The following TMTC2 variants were observed in gnomAD, a reference collection of about 807,000 sequenced individuals.
TMTC2 encodes protein O-mannosyl-transferase TMTC2.
In TMTC2, 43 loss-of-function variants were observed where a neutral mutation model predicts 82.4. That is an observed-to-expected ratio of 0.52 (90% CI 0.41 to 0.67). TMTC2 has a LOEUF of 0.67. TMTC2 is among the 30% of genes least tolerant of loss of function. The probability of loss-of-function intolerance (pLI) is 0.00; values close to 1 mark genes in which losing one functional copy is unlikely to be tolerated. For synonymous variants in TMTC2, 408 were observed against 381.9 expected (o/e 1.07, Z -0.80); for missense variants, 919 against 1,012.4 (o/e 0.91, Z 1.25).
At chr12:83,025,738 A>T (rs1231299348) in intron 8 of TMTC2, among the ~76,000 whole-genome samples, 1 of 152,206 alleles carries the variant, frequency 6.6e-6, no homozygotes, top group South Asian at 2.1e-4. Context: ...GGAGGTTCCC[A>T]TGACCCTCTT....
intron 4 of TMTC2, among the ~76,000 whole-genome samples, chr12:82,964,271 G>A (rs558289863): frequency 6.6e-6 from 1 of 152,094 alleles, no homozygotes. Context: ...AGACATGCCT[G>A]TAATTGATTT....
chr12:82,913,628 T>C (rs1229331520), intron 3 of TMTC2, among the ~76,000 whole-genome samples: 1 of 152,210 alleles, frequency 6.6e-6, no homozygotes, highest in Non-Finnish European at 1.5e-5. Context: ...TTTGACATAT[T>C]TCCTGATTTT....
At chr12:82,846,290 G>A (rs1200757043) in intron 1 of TMTC2, among the ~76,000 whole-genome samples, 5 of 152,008 alleles carry the variant, frequency 3.3e-5, no homozygotes, top group Admixed American at 6.5e-5. Context: ...CCCAGGAGGC[G>A]GAGGTTGCAG....
At chr12:82,697,334 C>CAAAAAAAAAAAAAAAAA (rs367770708) in intron 1 of TMTC2, among the ~76,000 whole-genome samples, 1 of 61,700 alleles carries the variant, frequency 1.6e-5, no homozygotes, top group Non-Finnish European at 3.2e-5. Flanking sequence ...CAGCCTGTCT[C>CAAAAAAAAAAAAAAAAA]AAAAAAAAAA....
At chr12:82,883,618 T>C (rs1409461323) in intron 2 of TMTC2, among the ~76,000 whole-genome samples, 1 of 152,220 alleles carries the variant, frequency 6.6e-6, no homozygotes, top group Non-Finnish European at 1.5e-5. Flanking sequence ...TCATAATAGC[T>C]GGTTTGTCGC....
intron 8 of TMTC2, among the ~76,000 whole-genome samples, chr12:83,000,597 T>C (rs1010566759): frequency 6.6e-6 from 1 of 152,294 alleles, no homozygotes; most frequent in East Asian, 1.9e-4. Flanking sequence ...GCTGGTGTTG[T>C]GTGTCTGTGG....
At chr12:82,927,656 A>T (rs191142810) in intron 3 of TMTC2, among the ~76,000 whole-genome samples, 1 of 152,206 alleles carries the variant, frequency 6.6e-6, no homozygotes, top group East Asian at 1.9e-4. Flanking sequence ...GTTAATTGAT[A>T]TGGCAGACTT....
At chr12:82,760,943 T>C in intron 1 of TMTC2, 1 of 240,350 alleles carries the variant, frequency 4.2e-6, no homozygotes, top group South Asian at 4.9e-5. Context: ...TATGGTGAAT[T>C]GTATAATTAT....
At chr12:82,691,887 G>A (rs1444168483) in intron 1 of TMTC2, among the ~76,000 whole-genome samples, 2 of 152,224 alleles carry the variant, frequency 1.3e-5, no homozygotes, top group Admixed American at 1.3e-4. Flanking sequence ...GTATACAGAA[G>A]TATGGTCTTA....
intron 7 of TMTC2, among the ~76,000 whole-genome samples, chr12:82,976,037 C>G (rs1489458380): frequency 6.6e-6 from 1 of 152,076 alleles, no homozygotes; most frequent in Non-Finnish European, 1.5e-5. Flanking sequence ...AAGATCCTCA[C>G]CTGTCCCCAA....
chr12:83,028,018 C>T (rs1208254766), intron 8 of TMTC2, among the ~76,000 whole-genome samples: 1 of 152,028 alleles, frequency 6.6e-6, no homozygotes, highest in Non-Finnish European at 1.5e-5. Flanking sequence ...CTGATGATAG[C>T]TTTCATTTTA....
rs148744826 is a variant in TMTC2, at chr12:82,767,781, C to A, written c.83+80112C>A. 2.9e-3 allele frequency among the ~76,000 whole-genome samples: 439 copies of A among 152,162 alleles called. 1 individual carries two copies. Among genetic ancestry groups the A allele is most frequent in the Admixed American group, 3.5e-3 (53 of 15,282 alleles). ...TGGTTCTATTGTTTATTTCTTCTTA[C>A]GAAAATTGAAATTCTGCTATTCTGA... On this transcript the variant is annotated intron_variant, in intron 1 of 11. Transcript: ENST00000321196.
At chr12:83,053,417 T>G (rs530540123) in intron 10 of TMTC2, among the ~76,000 whole-genome samples, 5 of 152,214 alleles carry the variant, frequency 3.3e-5, no homozygotes, top group Admixed American at 3.3e-4. Flanking sequence ...GGGAAAGTTA[T>G]AGTTCAAGAA....
chr12:82,966,076 TC>T (rs1283384554), intron 6 of TMTC2: 29 of 296,228 alleles, frequency 9.8e-5, no homozygotes, highest in Non-Finnish European at 1.5e-4. Context: ...GCTCACCATT[TC>T]TTTGGTTTGA....
At chr12:82,969,819 A>G (rs1309467791) in intron 7 of TMTC2, among the ~76,000 whole-genome samples, 1 of 152,202 alleles carries the variant, frequency 6.6e-6, no homozygotes, top group African/African-American at 2.4e-5. Flanking sequence ...AAGATGTTTG[A>G]GTAACAATAA....
chr12:82,748,764 C>A (rs1436734964), intron 1 of TMTC2, among the ~76,000 whole-genome samples: 1 of 152,152 alleles, frequency 6.6e-6, no homozygotes, highest in African/African-American at 2.4e-5. Context: ...GTAATCCCAG[C>A]TACTTGTGAG....
At chr12:82,736,957 A>G (rs1044394265) in intron 1 of TMTC2, among the ~76,000 whole-genome samples, 4 of 152,286 alleles carry the variant, frequency 2.6e-5, no homozygotes, top group African/African-American at 7.2e-5. Flanking sequence ...GTATAAACTA[A>G]TGTACCCATG....
At chr12:82,992,266 TTTTC>T (rs1394056167) in intron 8 of TMTC2, among the ~76,000 whole-genome samples, 1 of 152,210 alleles carries the variant, frequency 6.6e-6, no homozygotes, top group Non-Finnish European at 1.5e-5. Context: ...TAAGACTTCT[TTTTC>T]ATTCATTTGA....
intron 3 of TMTC2, among the ~76,000 whole-genome samples, chr12:82,908,729 AT>A (rs1477096542): frequency 6.6e-6 from 1 of 151,938 alleles, no homozygotes; most frequent in East Asian, 1.9e-4. Flanking sequence ...AATTAGAATT[AT>A]TTTTTTCTTC....
Sources: gnomAD v4.1 joint callset for allele counts (sites outside exome capture counted in the v4.1 genomes callset) on GRCh38, gnomAD v4.1.1 for gene constraint, MANE v1.5 for transcripts, NCBI Gene and HGNC (gene_info 2026-07-23, HGNC 2026-07-21) for gene names.